IPPK: variants seen among roughly 807,000 people sequenced by gnomAD.
IPPK encodes inositol-pentakisphosphate 2-kinase.
Under a neutral mutation model 64.6 loss-of-function variants are expected in IPPK, and 22 were observed. That is an observed-to-expected ratio of 0.34 (90% confidence interval 0.24 to 0.49). The LOEUF (loss-of-function observed/expected upper bound fraction) is 0.49, where lower values mean the gene tolerates loss of function less well. Ranked by LOEUF, IPPK falls within the 20% of genes least tolerant of loss-of-function variation. The pLI, the probability that IPPK is intolerant of heterozygous loss-of-function variation, is 0.99. For missense variants in IPPK, 532 were observed against 630.7 expected, an observed-to-expected ratio of 0.84 and a Z score of 1.68; for synonymous variants, 262 against 247.2, an observed-to-expected ratio of 1.06 and a Z score of -0.56.
intron 1 of IPPK, among the ~76,000 whole-genome samples, chr9:92,661,506 C>T (rs532139636): frequency 4.1e-4 from 63 of 152,282 alleles, no homozygotes; most frequent in Non-Finnish European, 8.8e-4. Flanking sequence ...CCCTCCCACT[C>T]GGCCCTCCCA....
chr9:92,644,813 G>C (rs778789094), intron 6 of IPPK, among the ~76,000 whole-genome samples: 1 of 152,130 alleles, frequency 6.6e-6, no homozygotes, highest in African/African-American at 2.4e-5. Context: ...TCTAATTCCA[G>C]AGGGGCCACA....
At chr9:92,636,884 C>T (rs75338988) in intron 9 of IPPK, among the ~76,000 whole-genome samples, 1,702 of 152,202 alleles carry the variant, frequency 0.011, 25 homozygotes, top group African/African-American at 0.038. Context: ...ACCACCTCAG[C>T]AACTGGTGCC....
chr9:92,662,764 A>G (rs1852512023), intron 1 of IPPK, among the ~76,000 whole-genome samples: 1 of 152,244 alleles, frequency 6.6e-6, no homozygotes, highest in Non-Finnish European at 1.5e-5. Flanking sequence ...ATTTATACAC[A>G]CACACTAAAT....
At position 92,670,024 on chromosome 9, in the gene IPPK, C is replaced by T; in HGVS notation, c.-36G>A. The stretch of plus-strand genomic sequence containing the variant: ...AGCCCTGGCGCCTCGCGGGCTAGGA[C>T]TCGGGGACGCGAGCTGGGGGCCGCC... On this transcript the variant is annotated 5_prime_UTR_variant, in exon 1 of 13. Coordinates refer to ENST00000287996, the MANE Select transcript of IPPK (RefSeq NM_022755.6). 2.0e-6 allele frequency: 3 copies of T among 1,512,344 alleles called. No homozygotes were observed. Among genetic ancestry groups the T allele is most frequent in the Middle Eastern group, 1.7e-4 (1 of 5,804 alleles). The allele number at this position is 1,512,344 out of a possible 1,614,324, so 93.7% of individuals were successfully genotyped here. A position where few individuals can be genotyped will look rare whatever the true frequency, so the allele number is the denominator to read the frequency against.
chr9:92,648,010 ATCCCC>A (rs755437579), intron 6 of IPPK, 44 bp downstream of exon 6: 1 of 1,329,812 alleles, frequency 7.5e-7, no homozygotes, highest in East Asian at 2.3e-5. Context: ...CTCAGCCCAG[ATCCCC>A]AGCGTGCAGC....
chr9:92,635,169 A>G lies in IPPK; in HGVS notation c.1056T>C (p.Phe352=), dbSNP rs759721987. 2 of 1,612,378 alleles carry G rather than the reference A, an allele frequency of 1.2e-6. No individual in the cohort carries two copies. The highest frequency in any genetic ancestry group is 1.7e-5 in the Admixed American group (1 of 59,730). ...YNRVERYLEE[F]PEERKTLQID... is the part of the protein sequence containing the mutation. ...CCGCCCGACCTCACCTCTCCTCGGG[A>G]AACTCTTCCAGGTATCGCTCAACCC... Residue 352 remains phenylalanine (F), a synonymous_variant, in exon 10 of 13, where the codon TTT becomes TTC. Transcript: ENST00000287996. This position sits in a 1 kb window ranked among gnomAD's most constrained non-coding sequence, Gnocchi z 4.4.
At chr9:92,652,550 A>T in intron 4 of IPPK, 23 bp downstream of exon 4, 1 of 1,309,448 alleles carries the variant, frequency 7.6e-7, no homozygotes, top group Non-Finnish European at 1.1e-6. Context: ...TACAAACAAT[A>T]TCTGTAAGTT....
chr9:92,656,506 C>G lies in IPPK; in HGVS notation c.175G>C (p.Gly59Arg), dbSNP rs1354170366. The change falls in exon 3 of 13, where the codon GGG becomes CGG. Residue 59 changes from glycine to arginine, a missense_variant. Physicochemically the swap from Gly to Arg is moderately radical, Grantham distance 125. Transcript: ENST00000287996. ...FQHLQNIVDF[G>R]KNVMKEFLGE... The stretch of plus-strand genomic sequence containing the variant: ...AAAAACTCCTTCATGACATTTTTCC[C>G]AAAGTCCACTATGTTCTGCAGGTGT... 1.2e-6 allele frequency: 2 copies of G among 1,613,798 alleles called. No individual in the cohort carries two copies.
chr9:92,647,627 A>G (rs1852173917), intron 6 of IPPK, among the ~76,000 whole-genome samples: 1 of 152,080 alleles, frequency 6.6e-6, no homozygotes, highest in Non-Finnish European at 1.5e-5. Context: ...ATATTCATAG[A>G]AAGAGGAAGA....
chr9:92,667,054 C>T lies in IPPK; in HGVS notation c.81+2854G>A, dbSNP rs531797193. 6.6e-4 allele frequency among the ~76,000 whole-genome samples: 100 copies of T among 152,358 alleles called. 1 individual carries two copies. Among genetic ancestry groups the T allele is most frequent in the African/African-American group, 1.6e-3 (68 of 41,582 alleles). On this transcript the variant is annotated intron_variant, in intron 1 of 12. Transcript: ENST00000287996. ...AGGACGAGCTCAGGCTGGCTGAAGG[C>T]GCATCATGTTCTCATGGTAGAGGGG...
intron 1 of IPPK, among the ~76,000 whole-genome samples, chr9:92,662,730 C>A (rs1342027439): frequency 6.6e-6 from 1 of 152,202 alleles, no homozygotes; most frequent in East Asian, 1.9e-4. Flanking sequence ...CACCAAACAA[C>A]AGGAAGAACA....
chr9:92,624,692 T>C (rs1410960354), intron 11 of IPPK, among the ~76,000 whole-genome samples: 2 of 152,148 alleles, frequency 1.3e-5, no homozygotes, highest in African/African-American at 4.8e-5. Flanking sequence ...TAAAACAACA[T>C]TGAACAAAAT....
chr9:92,668,824 G>C (rs1852660403), intron 1 of IPPK, among the ~76,000 whole-genome samples: 1 of 152,196 alleles, frequency 6.6e-6, no homozygotes, highest in Non-Finnish European at 1.5e-5. Context: ...CAACCTAGGG[G>C]CTACCTGGGT....
chr9:92,644,411 A>G (rs1020372172), intron 6 of IPPK, among the ~76,000 whole-genome samples: 1 of 152,152 alleles, frequency 6.6e-6, no homozygotes, highest in African/African-American at 2.4e-5. Flanking sequence ...GCAGCCACAG[A>G]GGACGCAGAT....
chr9:92,626,659 A>G (rs181576897), intron 11 of IPPK, among the ~76,000 whole-genome samples: 2 of 152,342 alleles, frequency 1.3e-5, no homozygotes, highest in East Asian at 3.9e-4. Flanking sequence ...ATTTGAGAAA[A>G]TGAGAATTTT....
chr9:92,665,233 A>C (rs1302820045), intron 1 of IPPK, among the ~76,000 whole-genome samples: 1 of 152,240 alleles, frequency 6.6e-6, no homozygotes, highest in Non-Finnish European at 1.5e-5. Flanking sequence ...GACTATTTCA[A>C]CTAGGTCCAG....
intron 10 of IPPK, 42 bp from the exon 11 acceptor site, chr9:92,634,530 ACGGAGGTTGTT>A (rs1385526267): frequency 2.1e-6 from 3 of 1,425,680 alleles, no homozygotes; most frequent in Non-Finnish European, 2.0e-6. Context: ...ACAAAGCCGC[ACGGAGGTTGTT>A]TCTTAAACTG....
intron 11 of IPPK, among the ~76,000 whole-genome samples, chr9:92,623,560 G>C (rs1851682489): frequency 6.6e-6 from 1 of 151,500 alleles, no homozygotes; most frequent in South Asian, 2.1e-4. Context: ...AAATCAATAA[G>C]AAAAAGACAA....
At chr9:92,646,110 G>T (rs550130689) in intron 6 of IPPK, among the ~76,000 whole-genome samples, 1 of 152,304 alleles carries the variant, frequency 6.6e-6, no homozygotes, top group Admixed American at 6.5e-5. Context: ...AAGGTTGGGG[G>T]AGGGAGCAAA....
Sources: allele counts gnomAD v4.1 joint callset (sites outside exome capture counted in the v4.1 genomes callset), GRCh38; gene constraint gnomAD v4.1.1; non-coding constraint Gnocchi (gnomAD v3.1); transcripts MANE v1.5; gene names NCBI Gene and HGNC (gene_info 2026-07-23, HGNC 2026-07-21).